NDUFS6: variants seen among roughly 807,000 people sequenced by gnomAD.
The protein encoded by NDUFS6 is NADH:ubiquinone oxidoreductase subunit S6.
NDUFS6 carries 14 observed loss-of-function variants against 13.2 expected under a neutral mutation model. The observed-to-expected ratio is 1.06, with a 90% CI of 0.70 to 1.66. The LOEUF is 1.66. NDUFS6 is among the 40% of genes most tolerant of loss of function. The pLI, the probability that NDUFS6 is intolerant of heterozygous loss-of-function variation, is 0.00. For synonymous variants in NDUFS6, 95 were observed against 72.3 expected (o/e 1.31, Z -1.60); for missense variants, 206 against 170.8 (o/e 1.21, Z -1.15).
At position 1,814,504 on chromosome 5, in the gene NDUFS6, C is replaced by A; in HGVS notation, c.309+43C>A. 6.2e-7 allele frequency: 1 copy of A among 1,613,904 alleles called. No homozygotes were observed. The highest frequency in any genetic ancestry group is 1.1e-5 in the South Asian group (1 of 91,054). ...TGTGCACATGTTAGGGCAGCCTGCT[C>A]GTCCTCATACTCCCCTTCACTCCCA... On this transcript the variant is annotated intron_variant, in intron 3 of 3. Coordinates refer to ENST00000274137, the MANE Select transcript of NDUFS6 (RefSeq NM_004553.6). The surrounding 1 kb of genome is among the most constrained non-coding windows in gnomAD (Gnocchi z 4.9).
At chr5:1,806,479 G>C (rs544625567) in intron 2 of NDUFS6, among the ~76,000 whole-genome samples, 1 of 152,362 alleles carries the variant, frequency 6.6e-6, no homozygotes, top group Admixed American at 6.5e-5. Context: ...ACTTCAAGGT[G>C]CGTGGTGCCA....
chr5:1,801,521 C>T lies in NDUFS6; in HGVS notation c.104C>T (p.Thr35Ile), dbSNP rs1362969277. The change falls in exon 1 of 4, where the codon ACC (threonine) becomes ATC (isoleucine). Residue 35 changes from threonine (T) to isoleucine (I), a missense_variant. Thr to Ile is a moderately conservative substitution (Grantham distance 89, BLOSUM62 -1). Transcript: ENST00000274137. ...TGTTTCGGGGTGCGGGTCTCGCCGACCGGGGAGAAGGTCACGCACACTGGC... is the reference window on the plus strand; with the variant it reads ...TGTTTCGGGGTGCGGGTCTCGCCGATCGGGGAGAAGGTCACGCACACTGGC... ...ARCFGVRVSPTGEKVTHTGQV... is the reference protein window; with the variant it reads ...ARCFGVRVSPIGEKVTHTGQV... The T allele has an allele frequency of 6.3e-7, 1 of 1,595,996 alleles. No homozygotes were observed. Among genetic ancestry groups the T allele is most frequent in the Admixed American group, 1.7e-5 (1 of 59,224 alleles).
Position 1,814,958 on chromosome 5 carries a change from T to G in NDUFS6, c.309+497T>G, listed in dbSNP as rs1396390661. 6.6e-6 allele frequency among the ~76,000 whole-genome samples: 1 copy of G among 152,080 alleles called. No individual in the cohort carries two copies. Among genetic ancestry groups the G allele is most frequent in the African/African-American group, 2.4e-5 (1 of 41,408 alleles). On this transcript the variant is annotated intron_variant, in intron 3 of 3. Transcript: ENST00000274137. This position sits in a 1 kb window ranked among gnomAD's most constrained non-coding sequence, Gnocchi z 4.9. The stretch of plus-strand genomic sequence containing the variant: ...GGAGACTCCTCATCCCCTCTTCTTA[T>G]AAGGGCACCAGGCAGATTGGCTCAG...
chr5:1,807,757 C>T (rs1734149851), intron 2 of NDUFS6, among the ~76,000 whole-genome samples: 1 of 152,256 alleles, frequency 6.6e-6, no homozygotes, highest in Non-Finnish European at 1.5e-5. Flanking sequence ...GCCAGCGCAG[C>T]ACCACCCGAA....
chr5:1,805,183 T>C (rs184952581), intron 2 of NDUFS6, among the ~76,000 whole-genome samples: 1 of 152,186 alleles, frequency 6.6e-6, no homozygotes, highest in African/African-American at 2.4e-5. Context: ...ATATAAAAAT[T>C]AGCCTAGCAT....
In NDUFS6 at chr5:1,814,550, C is replaced by T; in HGVS notation, c.309+89C>T. 1.4e-5 allele frequency: 22 copies of T among 1,594,124 alleles called. No homozygotes were observed. Among genetic ancestry groups the T allele is most frequent in the Non-Finnish European group, 1.8e-5 (21 of 1,166,954 alleles). ...TCCCAGTGCCTGTTCTTTCTGTCCT[C>T]TTCTCTACCTGCTCCCGAGGCGGCC... is the stretch of plus-strand genomic sequence containing the variant. On this transcript the variant is annotated intron_variant, in intron 3 of 3. Coordinates refer to ENST00000274137, the MANE Select transcript of NDUFS6 (RefSeq NM_004553.6). The surrounding 1 kb of genome is among the most constrained non-coding windows in gnomAD (Gnocchi z 4.9).
In NDUFS6 at chr5:1,802,404, A is replaced by G. The variant is rs971632324; in HGVS notation, c.186+30A>G. The G allele has an allele frequency of 6.9e-6, 11 of 1,591,122 alleles. No individual in the cohort carries two copies. The African/African-American group carries it at 1.5e-4, about 21-fold the overall frequency. Reference sequence around the variant, plus strand: ...GTAAAAAATCTAGTGAAGAGAGGTAAGCTTTCCTAAAACTTTTATGTAACC... The same window carrying G: ...GTAAAAAATCTAGTGAAGAGAGGTAGGCTTTCCTAAAACTTTTATGTAACC... On this transcript the variant is annotated intron_variant, in intron 2 of 3. Coordinates refer to ENST00000274137, the MANE Select transcript of NDUFS6 (RefSeq NM_004553.6).
chr5:1,805,709 G>A (rs1401482286), intron 2 of NDUFS6, among the ~76,000 whole-genome samples: 1 of 152,234 alleles, frequency 6.6e-6, no homozygotes, highest in African/African-American at 2.4e-5. Context: ...AGTCGTACAA[G>A]TAAAATTAAA....
intron 2 of NDUFS6, among the ~76,000 whole-genome samples, chr5:1,810,815 C>A (rs1360725587): frequency 6.6e-6 from 1 of 151,792 alleles, no homozygotes; most frequent in African/African-American, 2.4e-5. Flanking sequence ...TCTCCCCCGG[C>A]CCCCCAGCCC....
rs1327582191 is a variant in NDUFS6, at chr5:1,814,650, G to T, written c.309+189G>T. 3 of 894,644 alleles carry T rather than the reference G, an allele frequency of 3.4e-6. No individual in the cohort carries two copies. The highest frequency in any genetic ancestry group is 5.4e-6 in the Non-Finnish European group (3 of 560,736). 55.4% of individuals were successfully genotyped at this position (894,644 alleles called of 1,614,324 possible). A position where few individuals can be genotyped will look rare whatever the true frequency, so the allele number is the denominator to read the frequency against. On this transcript the variant is annotated intron_variant, in intron 3 of 3. Transcript: ENST00000274137. This position sits in a 1 kb window ranked among gnomAD's most constrained non-coding sequence, Gnocchi z 4.9. The stretch of plus-strand genomic sequence containing the variant: ...AGGGCCTACATAGAGCCGCCTGTCC[G>T]AAAACCCCCTTTCAACTGTGAAGTG...
At position 1,802,384 on chromosome 5, in the gene NDUFS6, AAAT is replaced by A; in HGVS notation, c.186+11_186+13del. ...AGGTCGTCAGAAAGAGGTGAGTAAA[AAAT>A]CTAGTGAAGAGAGGTAAGCTTTCCT... On this transcript the variant is annotated intron_variant, in intron 2 of 3. Coordinates refer to ENST00000274137, the MANE Select transcript of NDUFS6 (RefSeq NM_004553.6). The A allele has an allele frequency of 6.2e-7, 1 of 1,612,154 alleles. No homozygotes were observed. Among genetic ancestry groups the A allele is most frequent in the Non-Finnish European group, 8.5e-7 (1 of 1,178,266 alleles).
At chr5:1,804,353 G>A (rs1734092773) in intron 2 of NDUFS6, among the ~76,000 whole-genome samples, 1 of 152,236 alleles carries the variant, frequency 6.6e-6, no homozygotes, top group Non-Finnish European at 1.5e-5. Flanking sequence ...GTAGCATAGG[G>A]TAGTGGGAAA....
chr5:1,801,636 C>A, intron 1 of NDUFS6, 87 bp downstream of exon 1: 1 of 1,497,784 alleles, frequency 6.7e-7, no homozygotes, highest in South Asian at 1.2e-5. Flanking sequence ...ATCCGCGGCC[C>A]TGGTTCTGCG....
chr5:1,815,792 A>G (rs1321283145), intron 3 of NDUFS6, 59 bp from the exon 4 acceptor site: 5 of 1,522,204 alleles, frequency 3.3e-6, no homozygotes, highest in African/African-American at 2.7e-5. Flanking sequence ...TCAATGCTTA[A>G]TATCTAGATT....
At chr5:1,805,428 T>C (rs1222237232) in intron 2 of NDUFS6, among the ~76,000 whole-genome samples, 2 of 152,212 alleles carry the variant, frequency 1.3e-5, no homozygotes, top group Non-Finnish European at 1.5e-5. Flanking sequence ...AGAAAAACAG[T>C]GGAAAGTATC....
intron 3 of NDUFS6, among the ~76,000 whole-genome samples, chr5:1,815,582 CTGAG>C (rs1734295916): frequency 6.6e-6 from 1 of 152,164 alleles, no homozygotes; most frequent in Non-Finnish European, 1.5e-5. Flanking sequence ...CTCCAGGCCG[CTGAG>C]GTGTGGGGAG....
intron 2 of NDUFS6, among the ~76,000 whole-genome samples, chr5:1,808,969 G>A (rs571126834): frequency 2.6e-5 from 4 of 152,258 alleles, no homozygotes; most frequent in East Asian, 3.9e-4. Context: ...CTACAGTGTC[G>A]ATGATCCAGC....
chr5:1,812,227 C>T (rs1734228858), intron 2 of NDUFS6, among the ~76,000 whole-genome samples: 1 of 152,010 alleles, frequency 6.6e-6, no homozygotes, highest in South Asian at 2.1e-4. Context: ...GGAGCCCGCT[C>T]ACCACCTGTG....
chr5:1,809,589 C>T (rs1465785866), intron 2 of NDUFS6, among the ~76,000 whole-genome samples: 2 of 152,320 alleles, frequency 1.3e-5, no homozygotes, highest in South Asian at 2.1e-4. Context: ...GAGGGCATCC[C>T]GCGTCAGTCG....
Sources: allele counts gnomAD v4.1 joint callset (sites outside exome capture counted in the v4.1 genomes callset), GRCh38; gene constraint gnomAD v4.1.1; non-coding constraint Gnocchi (gnomAD v3.1); transcripts MANE v1.5; gene names NCBI Gene and HGNC (gene_info 2026-07-23, HGNC 2026-07-21).